PTPRD: variants seen among roughly 807,000 people sequenced by gnomAD.
PTPRD encodes protein tyrosine phosphatase receptor type D.
In PTPRD, 34 loss-of-function variants were observed where a neutral mutation model predicts 214.5. The ratio of observed to expected loss-of-function variants is 0.16; its 90% CI spans 0.12 to 0.21. The LOEUF (loss-of-function observed/expected upper bound fraction) is 0.21. PTPRD is among the 10% of genes least tolerant of loss of function. The pLI is 1.00. For synonymous variants in PTPRD, 1,128 were observed against 845.7 expected (o/e 1.33, Z -5.79); for missense variants, 2,545 against 2,398.7 (o/e 1.06, Z -1.27).
intron 14 of PTPRD, among the ~76,000 whole-genome samples, chr9:8,602,650 C>T (rs2094938426): frequency 6.6e-6 from 1 of 152,200 alleles, no homozygotes; most frequent in African/African-American, 2.4e-5. Flanking sequence ...TCAGACACTA[C>T]AGACAATCGT....
At chr9:9,794,148 T>C (rs1418035137) in intron 5 of PTPRD, among the ~76,000 whole-genome samples, 1 of 94,614 alleles carries the variant, frequency 1.1e-5, no homozygotes, top group East Asian at 2.4e-4. Context: ...AATGAATGTA[T>C]ATATGTACAT....
chr9:9,293,375 ATTGT>A (rs1569567130), intron 9 of PTPRD, among the ~76,000 whole-genome samples: 1 of 137,440 alleles, frequency 7.3e-6, no homozygotes, highest in African/African-American at 2.6e-5. Flanking sequence ...TACTCCCATC[ATTGT>A]TTGTTTGTTC....
rs1280879313 is a variant in PTPRD at position 8,319,973 on chromosome 9, C to T, written c.5535-7G>A. On this transcript the variant is annotated splice_region_variant and splice_polypyrimidine_tract_variant and intron_variant, in intron 44 of 45. Coordinates refer to ENST00000381196, the MANE Select transcript of PTPRD (RefSeq NM_002839.4). ...AGTTCTTCCAACGCCCGCGCTGCCA[C>T]AATAACAAAGGCGATGTTACTGGGT... 4 of 1,611,016 alleles carry T rather than the reference C, an allele frequency of 2.5e-6. No homozygotes were observed. Among genetic ancestry groups the T allele is most frequent in the African/African-American group, 2.7e-5 (2 of 74,666 alleles).
intron 3 of PTPRD, among the ~76,000 whole-genome samples, chr9:10,046,786 T>C (rs900182312): frequency 3.9e-5 from 6 of 151,942 alleles, no homozygotes; most frequent in African/African-American, 1.2e-4. Context: ...TGAATAATAT[T>C]TCTATAGTGA....
intron 9 of PTPRD, among the ~76,000 whole-genome samples, chr9:9,365,377 T>A (rs931206331): frequency 2.6e-5 from 4 of 151,558 alleles, no homozygotes; most frequent in African/African-American, 9.7e-5. Flanking sequence ...AGATTATTTT[T>A]ATGCACTGAA....
intron 10 of PTPRD, among the ~76,000 whole-genome samples, chr9:9,164,252 A>C (rs117623659): frequency 1.3e-5 from 2 of 152,258 alleles, no homozygotes; most frequent in East Asian, 3.9e-4. Context: ...GGCTACCTGT[A>C]TTCTTTGGCT....
At chr9:9,944,496 T>G (rs2092241668) in intron 4 of PTPRD, among the ~76,000 whole-genome samples, 2 of 151,660 alleles carry the variant, frequency 1.3e-5, no homozygotes, top group South Asian at 4.5e-4. Context: ...ATAAGATTAA[T>G]AAAAAGATTA....
chr9:9,083,094 G>A (rs1191503260), intron 10 of PTPRD, among the ~76,000 whole-genome samples: 1 of 152,066 alleles, frequency 6.6e-6, no homozygotes, highest in African/African-American at 2.4e-5. Flanking sequence ...GTATAGTCAA[G>A]ACAATCCTAA....
At chr9:8,826,172 T>C (rs1249476925) in intron 11 of PTPRD, among the ~76,000 whole-genome samples, 3 of 152,016 alleles carry the variant, frequency 2.0e-5, no homozygotes, top group Admixed American at 6.6e-5. Flanking sequence ...ACTCAATCAG[T>C]TGGAAATCCT....
At chr9:9,781,515 C>T (rs2098842468) in intron 5 of PTPRD, among the ~76,000 whole-genome samples, 1 of 152,098 alleles carries the variant, frequency 6.6e-6, no homozygotes, top group Non-Finnish European at 1.5e-5. Context: ...CAATAATATA[C>T]AGTTGCCTAA....
chr9:9,510,545 A>G (rs1237899393), intron 8 of PTPRD, among the ~76,000 whole-genome samples: 1 of 151,622 alleles, frequency 6.6e-6, no homozygotes, highest in Non-Finnish European at 1.5e-5. Context: ...TTTTCATTTC[A>G]AAATATTCAG....
chr9:8,960,553 A>G (rs1369699125), intron 11 of PTPRD, among the ~76,000 whole-genome samples: 1 of 152,156 alleles, frequency 6.6e-6, no homozygotes, highest in Non-Finnish European at 1.5e-5. Context: ...GATGTCGTGC[A>G]TTAAAAACAG....
chr9:9,370,699 AG>A (rs1384945071), intron 9 of PTPRD, among the ~76,000 whole-genome samples: 1 of 150,762 alleles, frequency 6.6e-6, no homozygotes, highest in Non-Finnish European at 1.5e-5. Context: ...CAGTTTTCAA[AG>A]GGAATGCTTC....
rs200664913 is a variant in PTPRD at position 9,376,385 on chromosome 9, C to A, written c.-203+21064G>T. On this transcript the variant is annotated intron_variant, in intron 9 of 45. Transcript: ENST00000381196. ...CAACTTAATCAGTGATTACTAAAAA[C>A]CAAACCTTCCTCCATCAGTCAAATT... Among the ~76,000 whole-genome samples, 36 of 152,214 alleles carry A rather than the reference C, an allele frequency of 2.4e-4. 1 individual carries two copies. In the East Asian group the frequency reaches 7.0e-3, roughly 29 times the overall value.
At chr9:8,891,439 T>C (rs75987407) in intron 11 of PTPRD, among the ~76,000 whole-genome samples, 1 of 90,482 alleles carries the variant, frequency 1.1e-5, no homozygotes, top group Non-Finnish European at 2.0e-5. Flanking sequence ...GTCAATCTAA[T>C]TTTTTTTTTT....
At chr9:9,828,755 C>A (rs2053847880) in intron 5 of PTPRD, among the ~76,000 whole-genome samples, 1 of 150,698 alleles carries the variant, frequency 6.6e-6, no homozygotes, top group Non-Finnish European at 1.5e-5. Context: ...GTTACTTTAC[C>A]TTCCAACAAT....
chr9:9,391,770 G>C (rs553441933), intron 9 of PTPRD, among the ~76,000 whole-genome samples: 4 of 152,284 alleles, frequency 2.6e-5, no homozygotes, highest in African/African-American at 7.2e-5. Flanking sequence ...CCTGCCTCTA[G>C]TCATAATAGA....
intron 5 of PTPRD, among the ~76,000 whole-genome samples, chr9:9,904,418 TC>T (rs2077084543): frequency 6.6e-6 from 1 of 152,090 alleles, no homozygotes; most frequent in Non-Finnish European, 1.5e-5. Flanking sequence ...CAAATTGAAA[TC>T]TTTGTACTGT....
intron 3 of PTPRD, among the ~76,000 whole-genome samples, chr9:10,284,329 T>C (rs1468645797): frequency 1.3e-5 from 2 of 152,168 alleles, no homozygotes; most frequent in Admixed American, 6.5e-5. Context: ...TTGAAGCCAA[T>C]AGTATTCATA....
Sources: gnomAD v4.1 joint callset for allele counts (sites outside exome capture counted in the v4.1 genomes callset) on GRCh38, gnomAD v4.1.1 for gene constraint, MANE v1.5 for transcripts, NCBI Gene and HGNC (gene_info 2026-07-23, HGNC 2026-07-21) for gene names.